Variants in SGCZ observed in about 807,000 individuals in gnomAD.
SGCZ encodes sarcoglycan zeta.
SGCZ carries 40 observed loss-of-function variants against 41.3 expected under a neutral mutation model. The ratio of observed to expected loss-of-function variants is 0.97; its 90% CI spans 0.75 to 1.26. The LOEUF (loss-of-function observed/expected upper bound fraction) is 1.26, where lower values mean the gene tolerates loss of function less well. Among genes scored for constraint, SGCZ ranks in the 50% most tolerant of loss-of-function variants. The pLI is 0.00. For synonymous variants in SGCZ, 206 were observed against 137.5 expected (o/e 1.50, Z -3.49); for missense variants, 552 against 369.8 (o/e 1.49, Z -4.04).
chr8:14,922,426 T>A (rs1799615538), intron 1 of SGCZ, among the ~76,000 whole-genome samples: 1 of 152,166 alleles, frequency 6.6e-6, no homozygotes, highest in Non-Finnish European at 1.5e-5. Context: ...GAATATGGGC[T>A]ACCTAATTTT....
At chr8:14,350,111 T>C (rs1803034095) in intron 2 of SGCZ, among the ~76,000 whole-genome samples, 1 of 152,100 alleles carries the variant, frequency 6.6e-6, no homozygotes. Context: ...AAAATGTCTT[T>C]GGAAGGTGAA....
At chr8:14,389,098 G>A (rs1267829786) in intron 2 of SGCZ, among the ~76,000 whole-genome samples, 1 of 151,910 alleles carries the variant, frequency 6.6e-6, no homozygotes, top group African/African-American at 2.4e-5. Flanking sequence ...ATTCATAGAA[G>A]AAAACTCAGT....
chr8:14,481,003 C>G (rs527541130), intron 2 of SGCZ, among the ~76,000 whole-genome samples: 9 of 151,974 alleles, frequency 5.9e-5, no homozygotes, highest in Admixed American at 1.3e-4. Flanking sequence ...TTATATTTAT[C>G]AATAGATGCT....
chr8:14,318,952 T>G (rs988456171), intron 3 of SGCZ, among the ~76,000 whole-genome samples: 1 of 148,978 alleles, frequency 6.7e-6, no homozygotes, highest in Non-Finnish European at 1.5e-5. Context: ...AAAAAAAATA[T>G]GAATTAGAGA....
chr8:14,418,007 G>C (rs1799542349), intron 2 of SGCZ, among the ~76,000 whole-genome samples: 1 of 151,700 alleles, frequency 6.6e-6, no homozygotes, highest in African/African-American at 2.4e-5. Flanking sequence ...ATGTACAAAA[G>C]GAGTCCTGAT....
intron 1 of SGCZ, among the ~76,000 whole-genome samples, chr8:15,084,040 T>G (rs1208504093): frequency 6.6e-6 from 1 of 152,198 alleles, no homozygotes; most frequent in African/African-American, 2.4e-5. Flanking sequence ...AGAACACAGT[T>G]GAAAATGTAT....
intron 3 of SGCZ, among the ~76,000 whole-genome samples, chr8:14,309,915 C>G (rs1801474511): frequency 6.6e-6 from 1 of 151,874 alleles, no homozygotes; most frequent in Non-Finnish European, 1.5e-5. Flanking sequence ...GTACACATCC[C>G]CAGAATCCAT....
rs571097369 is a variant in SGCZ, at chr8:14,747,196, C to T, written c.40-192270G>A. On this transcript the variant is annotated intron_variant, in intron 1 of 7. Transcript: ENST00000382080. ...TTCCACCCACATTGTCAATGAAGCA[C>T]CGTGTTAGGACCACAGACACCTGAC... Among the ~76,000 whole-genome samples, 10 of 152,352 alleles carry T rather than the reference C, an allele frequency of 6.6e-5. No homozygotes were observed. In the East Asian group the frequency reaches 1.9e-3, roughly 29 times the overall value.
chr8:14,562,885 C>A (rs530435761), intron 1 of SGCZ, among the ~76,000 whole-genome samples: 22 of 152,212 alleles, frequency 1.4e-4, no homozygotes, highest in Middle Eastern at 3.4e-3. Flanking sequence ...AGAGAAGTCA[C>A]GTGATCTTAG....
chr8:14,117,366 T>C (rs1332375196), intron 5 of SGCZ, among the ~76,000 whole-genome samples: 2 of 150,990 alleles, frequency 1.3e-5, no homozygotes, highest in Non-Finnish European at 3.0e-5. Flanking sequence ...GTTTTTTTTT[T>C]TTTTTGAGAA....
At chr8:15,052,374 G>T (rs546256419) in intron 1 of SGCZ, among the ~76,000 whole-genome samples, 1 of 152,156 alleles carries the variant, frequency 6.6e-6, no homozygotes, top group African/African-American at 2.4e-5. Context: ...ATCCCAAAAA[G>T]CAGTGGGAAG....
chr8:14,551,535 TATATATAATATATATAATATATATTA>T (rs1803842710), intron 2 of SGCZ, among the ~76,000 whole-genome samples: 5 of 4,664 alleles, frequency 1.1e-3, no homozygotes, highest in Non-Finnish European at 2.2e-3. Flanking sequence ...ATATATATAA[TATATATAATATATATAATATATATTA>T]TATATATAAT....
chr8:14,412,501 C>T (rs1422400337), intron 2 of SGCZ, among the ~76,000 whole-genome samples: 1 of 152,104 alleles, frequency 6.6e-6, no homozygotes, highest in Non-Finnish European at 1.5e-5. Context: ...AGCATAAATG[C>T]TGCCAGGCCT....
At chr8:14,143,252 C>A (rs780328916) in intron 5 of SGCZ, among the ~76,000 whole-genome samples, 1 of 152,136 alleles carries the variant, frequency 6.6e-6, no homozygotes, top group East Asian at 1.9e-4. Context: ...TCTAAGATTG[C>A]AGACAGGGCA....
chr8:14,355,283 T>G (rs1463269289), intron 2 of SGCZ, among the ~76,000 whole-genome samples: 2 of 152,112 alleles, frequency 1.3e-5, no homozygotes, highest in African/African-American at 4.8e-5. Context: ...TTATTTGTAT[T>G]TAAAAACTCA....
At chr8:14,604,542 G>A (rs367561318) in intron 1 of SGCZ, among the ~76,000 whole-genome samples, 2 of 152,094 alleles carry the variant, frequency 1.3e-5, no homozygotes, top group African/African-American at 4.8e-5. Flanking sequence ...AATGTACACT[G>A]ACTTTTAGAA....
At chr8:14,651,597 G>A (rs1282415966) in intron 1 of SGCZ, among the ~76,000 whole-genome samples, 2 of 151,928 alleles carry the variant, frequency 1.3e-5, no homozygotes, top group Non-Finnish European at 2.9e-5. Flanking sequence ...TCAGAATCTA[G>A]CTCATTTTCA....
intron 2 of SGCZ, among the ~76,000 whole-genome samples, chr8:14,400,000 C>G (rs1799027188): frequency 6.6e-6 from 1 of 151,994 alleles, no homozygotes; most frequent in South Asian, 2.1e-4. Context: ...TCCCATTTTC[C>G]TCCCCCGTTA....
At chr8:14,292,426 GAGA>G (rs1270097358) in intron 3 of SGCZ, among the ~76,000 whole-genome samples, 1 of 151,916 alleles carries the variant, frequency 6.6e-6, no homozygotes, top group Non-Finnish European at 1.5e-5. Flanking sequence ...GTAAGAAGTG[GAGA>G]AGAAGCAACA....
Sources: allele counts gnomAD v4.1 joint callset (sites outside exome capture counted in the v4.1 genomes callset), GRCh38; gene constraint gnomAD v4.1.1; transcripts MANE v1.5; gene names NCBI Gene and HGNC (gene_info 2026-07-23, HGNC 2026-07-21).